TSHZ2: variants seen among roughly 807,000 people sequenced by gnomAD.
TSHZ2 encodes teashirt zinc finger homeobox 2, also known as teashirt homolog 2.
TSHZ2 carries 21 observed loss-of-function variants against 74.4 expected under a neutral mutation model. The observed-to-expected ratio is 0.28, with a 90% CI of 0.20 to 0.41. The LOEUF is 0.41. TSHZ2 is among the 10% of genes least tolerant of loss of function. The pLI is 1.00. For missense variants in TSHZ2, 1,244 were observed against 1,293.5 expected (o/e 0.96, Z 0.59); for synonymous variants, 540 against 515.3 (o/e 1.05, Z -0.65).
At chr20:53,403,015 T>C (rs1249975706) in intron 2 of TSHZ2, among the ~76,000 whole-genome samples, 1 of 152,208 alleles carries the variant, frequency 6.6e-6, no homozygotes, top group African/African-American at 2.4e-5. Context: ...ACCAAGGTAG[T>C]GGACGCAGTA....
chr20:53,382,389 A>G lies in TSHZ2; in HGVS notation c.*9-104755A>G, dbSNP rs370307721. 3.2e-4 allele frequency among the ~76,000 whole-genome samples: 49 copies of G among 152,278 alleles called. 3 individuals are homozygous for G. In the East Asian group the frequency reaches 4.4e-3, roughly 14 times the overall value. The stretch of plus-strand genomic sequence containing the variant: ...CCCAAAGTTCCATTCCTCTGCCCTC[A>G]GGTTCAGGCTCCTCCGTGACTATCT... On this transcript the variant is annotated intron_variant, in intron 2 of 2. Coordinates refer to ENST00000371497, the MANE Select transcript of TSHZ2 (RefSeq NM_173485.6).
At chr20:53,159,509 T>C (rs544932464) in intron 1 of TSHZ2, among the ~76,000 whole-genome samples, 1 of 151,336 alleles carries the variant, frequency 6.6e-6, no homozygotes, top group Non-Finnish European at 1.5e-5. Flanking sequence ...ATGTTCTAGA[T>C]AGAAAAAAAA....
chr20:53,103,861 C>T lies in TSHZ2; in HGVS notation c.40+130528C>T, dbSNP rs1316207853. Among the ~76,000 whole-genome samples, 3 of 152,106 alleles carry T rather than the reference C, an allele frequency of 2.0e-5. No individual in the cohort carries two copies. In the East Asian group the frequency reaches 5.8e-4, roughly 29 times the overall value. ...ACTTGAGGAGCTGCCGCAGGTGGGA[C>T]AAGATTTCATTATGAGCTCTTTGAA... is the stretch of plus-strand genomic sequence containing the variant. On this transcript the variant is annotated intron_variant, in intron 1 of 2. Coordinates refer to ENST00000371497, the MANE Select transcript of TSHZ2 (RefSeq NM_173485.6).
At chr20:53,295,773 G>A (rs1991365696) in intron 2 of TSHZ2, among the ~76,000 whole-genome samples, 3 of 152,200 alleles carry the variant, frequency 2.0e-5, no homozygotes, top group Admixed American at 2.0e-4. Flanking sequence ...GTTGGGACAA[G>A]AGGTTAAAAA....
At chr20:53,342,027 T>C (rs1600819908) in intron 2 of TSHZ2, among the ~76,000 whole-genome samples, 2 of 152,064 alleles carry the variant, frequency 1.3e-5, no homozygotes, top group African/African-American at 2.4e-5. Flanking sequence ...ATTTTAAATA[T>C]ACAGAAAAAT....
At chr20:53,132,351 G>T (rs13038388) in intron 1 of TSHZ2, among the ~76,000 whole-genome samples, 33 of 144,076 alleles carry the variant, frequency 2.3e-4, no homozygotes, top group African/African-American at 8.9e-4. Flanking sequence ...TCACTCTGTC[G>T]CCCAGGCTGG....
chr20:53,334,169 G>T (rs997209431), intron 2 of TSHZ2, among the ~76,000 whole-genome samples: 1 of 152,122 alleles, frequency 6.6e-6, no homozygotes, highest in South Asian at 2.1e-4. Flanking sequence ...TGTTCTAAGG[G>T]TAAGACACAG....
intron 1 of TSHZ2, among the ~76,000 whole-genome samples, chr20:52,992,861 A>G (rs777497679): frequency 1.3e-5 from 2 of 152,212 alleles, no homozygotes; most frequent in Non-Finnish European, 2.9e-5. Context: ...CTGTGTTTCC[A>G]ATCACTTAGA....
chr20:53,085,744 T>A (rs968769236), intron 1 of TSHZ2, among the ~76,000 whole-genome samples: 1 of 152,200 alleles, frequency 6.6e-6, no homozygotes, highest in Admixed American at 6.5e-5. Flanking sequence ...CTCATGATCT[T>A]AAACACTATG....
intron 2 of TSHZ2, among the ~76,000 whole-genome samples, chr20:53,391,710 A>C (rs1982265958): frequency 6.6e-6 from 1 of 152,204 alleles, no homozygotes; most frequent in South Asian, 2.1e-4. Context: ...TGGGAGGCTG[A>C]GGTGGGTGGA....
chr20:53,385,237 G>A (rs756416334), intron 2 of TSHZ2, among the ~76,000 whole-genome samples: 1 of 152,168 alleles, frequency 6.6e-6, no homozygotes, highest in African/African-American at 2.4e-5. Context: ...AACAGGAGGC[G>A]GAAAAGAGTT....
rs556682114 is a variant in TSHZ2 at position 53,170,053 on chromosome 20, T to G, written c.41-83446T>G. Among the ~76,000 whole-genome samples, 21 of 152,288 alleles carry G rather than the reference T, an allele frequency of 1.4e-4. No homozygotes were observed. In the East Asian group the frequency reaches 4.0e-3, roughly 29 times the overall value. On this transcript the variant is annotated intron_variant, in intron 1 of 2. Transcript: ENST00000371497. Reference sequence around the variant, plus strand: ...GAATGCTACAAGAATAACTACTGTTTGGAAAACAGATGTGAAAACTGAGGC... The same window carrying G: ...GAATGCTACAAGAATAACTACTGTTGGGAAAACAGATGTGAAAACTGAGGC...
intron 2 of TSHZ2, among the ~76,000 whole-genome samples, chr20:53,257,440 T>A (rs527884483): frequency 6.6e-6 from 1 of 152,222 alleles, no homozygotes; most frequent in African/African-American, 2.4e-5. Context: ...TCATGTGTCA[T>A]AGAAGTTCCA....
chr20:53,256,331 G>T lies in TSHZ2; in HGVS notation c.2873G>T (p.Arg958Leu), dbSNP rs766136923. Residue 958 changes from arginine (R) to leucine (L), a missense_variant, in exon 2 of 3, where the codon CGC becomes CTC. Coordinates refer to ENST00000371497, the MANE Select transcript of TSHZ2 (RefSeq NM_173485.6). The surrounding 1 kb of genome is among the most constrained non-coding windows in gnomAD (Gnocchi z 4.3). ...GGTTTCCAAATGAAGGACATGACCC[G>T]CTTGTCAGTGGACCAGCAAAGCAAG... is the stretch of plus-strand genomic sequence containing the variant. The part of the protein sequence containing the change: ...HLGFQMKDMT[R>L]LSVDQQSKVE... 1.9e-6 allele frequency: 3 copies of T among 1,613,682 alleles called. No homozygotes were observed. The highest frequency in any genetic ancestry group is 2.7e-5 in the African/African-American group (2 of 74,912).
chr20:53,103,169 TAGAA>T (rs1455645797), intron 1 of TSHZ2, among the ~76,000 whole-genome samples: 1 of 152,098 alleles, frequency 6.6e-6, no homozygotes, highest in Non-Finnish European at 1.5e-5. Context: ...TATTCAGGGG[TAGAA>T]AGAAGTAACA....
At chr20:53,324,210 T>C (rs1038018540) in intron 2 of TSHZ2, among the ~76,000 whole-genome samples, 2 of 151,966 alleles carry the variant, frequency 1.3e-5, no homozygotes, top group African/African-American at 2.4e-5. Context: ...AAGATAGAGA[T>C]ATATGAGTGA....
At chr20:53,251,750 T>C (rs141258088) in intron 1 of TSHZ2, among the ~76,000 whole-genome samples, 1 of 152,372 alleles carries the variant, frequency 6.6e-6, no homozygotes, top group Non-Finnish European at 1.5e-5. Context: ...ACTAAAATCA[T>C]GGGCTCTTGT....
At chr20:53,148,699 G>C (rs1323309514) in intron 1 of TSHZ2, among the ~76,000 whole-genome samples, 2 of 152,108 alleles carry the variant, frequency 1.3e-5, no homozygotes, top group Non-Finnish European at 2.9e-5. Context: ...AGAAAATGAA[G>C]ACATCTCCCA....
chr20:52,996,761 G>A (rs1442629310), intron 1 of TSHZ2, among the ~76,000 whole-genome samples: 1 of 152,172 alleles, frequency 6.6e-6, no homozygotes, highest in Non-Finnish European at 1.5e-5. Flanking sequence ...GTATTGATGT[G>A]TGCATGTGAC....
Sources: gnomAD v4.1 joint callset for allele counts (sites outside exome capture counted in the v4.1 genomes callset) on GRCh38, gnomAD v4.1.1 for gene constraint, Gnocchi (gnomAD v3.1) non-coding constraint, MANE v1.5 for transcripts, NCBI Gene and HGNC (gene_info 2026-07-23, HGNC 2026-07-21) for gene names.